JMJD1C: variants seen among roughly 807,000 people sequenced by gnomAD.
JMJD1C encodes jumonji domain containing 1C, also known as jumonji domain-containing protein 1C.
In JMJD1C, 31 loss-of-function variants were observed where a neutral mutation model predicts 245.3. The ratio of observed to expected loss-of-function variants is 0.13; its 90% CI spans 0.09 to 0.17. JMJD1C has a LOEUF of 0.17. Among genes scored for constraint, JMJD1C ranks in the 10% least tolerant of loss-of-function variants. The pLI is 1.00. For synonymous variants in JMJD1C, 1,057 were observed against 1,017.4 expected (o/e 1.04, Z -0.74); for missense variants, 2,691 against 3,000.2 (o/e 0.90, Z 2.41).
rs1871342 is a variant in JMJD1C at position 63,268,865 on chromosome 10, G to A, written c.334-4101C>T. ...CACTTGCAGCGGCGTCATTGTATAG[G>A]AAGAAAAGCCAAGACCACAGAACGA... On this transcript the variant is annotated intron_variant, in intron 2 of 25. Transcript: ENST00000399262. 3,208 of 985,772 alleles carry A rather than the reference G, an allele frequency of 3.3e-3. 86 individuals are homozygous for A. In the African/African-American group the frequency reaches 0.053, roughly 16 times the overall value. 61.1% of individuals were successfully genotyped at this position (985,772 alleles called of 1,614,324 possible). A position where few individuals can be genotyped will look rare whatever the true frequency, so the allele number is the denominator to read the frequency against.
chr10:63,396,921 G>A (rs1218701768), intron 1 of JMJD1C, among the ~76,000 whole-genome samples: 1 of 148,422 alleles, frequency 6.7e-6, no homozygotes, highest in Non-Finnish European at 1.5e-5. Flanking sequence ...AAGAAGAACT[G>A]GTTTTTGGTT....
chr10:63,310,274 G>C (rs1938988295), intron 2 of JMJD1C, among the ~76,000 whole-genome samples: 2 of 152,230 alleles, frequency 1.3e-5, no homozygotes, highest in South Asian at 4.1e-4. Context: ...TCTCAAAGGG[G>C]TTCCTTCTTT....
At chr10:63,284,899 ACACACAC>A (rs1299932981) in intron 2 of JMJD1C, among the ~76,000 whole-genome samples, 11 of 112,390 alleles carry the variant, frequency 9.8e-5, no homozygotes, top group Non-Finnish European at 1.5e-4. Context: ...ACACACACAC[ACACACAC>A]ATTCTCTCTA....
intron 2 of JMJD1C, among the ~76,000 whole-genome samples, chr10:63,288,592 T>C (rs151190014): frequency 0.017 from 2,599 of 152,284 alleles, 262 homozygotes; most frequent in Admixed American, 0.15. Context: ...GCTCTTATTG[T>C]TGAGTTTTAA....
chr10:63,278,570 T>C (rs1380468940), intron 2 of JMJD1C, among the ~76,000 whole-genome samples: 1 of 150,824 alleles, frequency 6.6e-6, no homozygotes, highest in Non-Finnish European at 1.5e-5. Context: ...AAAAAAAGAG[T>C]ACTGATTAGT....
chr10:63,279,917 G>A (rs549357576), intron 2 of JMJD1C, among the ~76,000 whole-genome samples: 14 of 152,202 alleles, frequency 9.2e-5, no homozygotes, highest in South Asian at 2.1e-4. Context: ...TTGGGAGGCC[G>A]AAGTGGGTGA....
chr10:63,202,449 G>T, intron 10 of JMJD1C: 1 of 985,408 alleles, frequency 1.0e-6, no homozygotes, highest in Non-Finnish European at 1.2e-6. Context: ...TGCCCAATGT[G>T]TGGATCAGAG....
At chr10:63,250,758 A>C (rs1200218511) in intron 3 of JMJD1C, among the ~76,000 whole-genome samples, 1 of 152,054 alleles carries the variant, frequency 6.6e-6, no homozygotes, top group African/African-American at 2.4e-5. Flanking sequence ...TTTGTTTTTA[A>C]GGGAGAGTAT....
intron 3 of JMJD1C, among the ~76,000 whole-genome samples, chr10:63,229,340 T>G (rs2133373837): frequency 6.6e-6 from 1 of 152,138 alleles, no homozygotes; most frequent in African/African-American, 2.4e-5. Context: ...AAAACGTAAT[T>G]ATACATAAAG....
intron 2 of JMJD1C, among the ~76,000 whole-genome samples, chr10:63,282,345 A>C (rs957634418): frequency 6.6e-6 from 1 of 152,204 alleles, no homozygotes; most frequent in Non-Finnish European, 1.5e-5. Flanking sequence ...ATGATCACCT[A>C]TGTTAAGTAG....
At chr10:63,501,178 T>C (rs1366882693) in intron 1 of JMJD1C, among the ~76,000 whole-genome samples, 1 of 152,192 alleles carries the variant, frequency 6.6e-6, no homozygotes, top group African/African-American at 2.4e-5. Flanking sequence ...ATGTCCATAT[T>C]ATCAGCTCAT....
intron 2 of JMJD1C, among the ~76,000 whole-genome samples, chr10:63,315,582 T>C (rs183813236): frequency 8.5e-5 from 13 of 152,260 alleles, no homozygotes; most frequent in African/African-American, 2.4e-4. Context: ...CTCATGCCTA[T>C]AATCCCAGCA....
intron 10 of JMJD1C, chr10:63,202,226 C>T: frequency 2.3e-6 from 2 of 880,440 alleles, no homozygotes; most frequent in Non-Finnish European, 2.7e-6. Context: ...TGGATTCCAG[C>T]CTGGGTGACG....
chr10:63,176,053 A>G (rs1589053272), intron 24 of JMJD1C, among the ~76,000 whole-genome samples: 1 of 152,162 alleles, frequency 6.6e-6, no homozygotes, highest in African/African-American at 2.4e-5. Flanking sequence ...TCAGATTTCG[A>G]TCTATTAAAT....
At chr10:63,190,461 G>A (rs768595096) in intron 17 of JMJD1C, among the ~76,000 whole-genome samples, 11 of 152,088 alleles carry the variant, frequency 7.2e-5, no homozygotes, top group Non-Finnish European at 1.3e-4. Context: ...CTCAGTCTCC[G>A]AAAGTGCTGG....
chr10:63,268,256 G>A (rs1230869299), intron 2 of JMJD1C, among the ~76,000 whole-genome samples: 1 of 145,304 alleles, frequency 6.9e-6, no homozygotes, highest in African/African-American at 2.5e-5. Context: ...AAAAGGACTG[G>A]AGTGACTTGA....
rs1292108555 is a variant in JMJD1C, at chr10:63,465,572, C to T, written c.91G>A (p.Gly31Arg). The change falls in exon 1 of 26, where the codon GGA becomes AGA. Residue 31 changes from glycine to arginine, a missense_variant. Gly to Arg is a moderately radical substitution (Grantham distance 125). Around this residue, in one of 9 missense-constraint regions of JMJD1C, gnomAD observed 135 missense variants for 115.5 expected, o/e 1.17. Coordinates refer to ENST00000399262, the MANE Select transcript of JMJD1C (RefSeq NM_032776.3). ...DEARSERWES[G>R]RGWRSWRAGV... is the part of the protein sequence containing the mutation. ...GCTCGCCAGCTTCGCCAGCCGCGTC[C>T]GCTCTCCCAGCGCTCCGAACGTGCC... 6.2e-7 allele frequency: 1 copy of T among 1,608,424 alleles called. No homozygotes were observed. The highest frequency in any genetic ancestry group is 8.5e-7 in the Non-Finnish European group (1 of 1,179,718).
chr10:63,248,191 G>A (rs926364779), intron 3 of JMJD1C, among the ~76,000 whole-genome samples: 3 of 151,976 alleles, frequency 2.0e-5, no homozygotes, highest in Admixed American at 6.6e-5. Context: ...GGCCAGGCAC[G>A]GTGTTTCACA....
chr10:63,280,379 C>A (rs10740109), intron 2 of JMJD1C, among the ~76,000 whole-genome samples: 88,949 of 151,726 alleles, frequency 0.59, 28,123 homozygotes, highest in Non-Finnish European at 0.72. Flanking sequence ...GAAACCCGGT[C>A]TCTACTAAAA....
Sources: gnomAD v4.1 joint callset for allele counts (sites outside exome capture counted in the v4.1 genomes callset) on GRCh38, gnomAD v4.1.1 for gene constraint, gnomAD v4.1.1 regional missense constraint, MANE v1.5 for transcripts, NCBI Gene and HGNC (gene_info 2026-07-23, HGNC 2026-07-21) for gene names.